Variants in ABL1 observed in about 807,000 individuals in gnomAD.
The protein encoded by ABL1 is tyrosine-protein kinase ABL1.
ABL1 carries 11 observed loss-of-function variants against 94.7 expected under a neutral mutation model. That is an observed-to-expected ratio of 0.12 (90% CI 0.07 to 0.19). The LOEUF is 0.19. Among genes scored for constraint, ABL1 ranks in the 10% least tolerant of loss-of-function variants. The pLI is 1.00. For missense variants in ABL1, 1,082 were observed against 1,489.4 expected (o/e 0.73, Z 4.50); for synonymous variants, 656 against 622.4 (o/e 1.05, Z -0.80).
At chr9:130,846,134 A>G (rs572778482) in intron 1 of ABL1, among the ~76,000 whole-genome samples, 1 of 151,264 alleles carries the variant, frequency 6.6e-6, no homozygotes, top group South Asian at 2.1e-4. Context: ...TGTTTTAATA[A>G]TTTTAACTTC....
intron 1 of ABL1, among the ~76,000 whole-genome samples, chr9:130,726,847 G>C (rs991719363): frequency 5.3e-5 from 8 of 152,136 alleles, no homozygotes; most frequent in African/African-American, 1.9e-4. Context: ...AACCCTTCTT[G>C]TCCAACATAG....
chr9:130,713,873 A>G (rs538666682), exon 1 of ABL1: 5 of 230,266 alleles, frequency 2.2e-5, no homozygotes, highest in Admixed American at 5.7e-5. Flanking sequence ...GAAGAAGCTA[A>G]GATAGGGGGT....
intron 4 of ABL1, among the ~76,000 whole-genome samples, chr9:130,869,795 A>G (rs1831222680): frequency 6.6e-6 from 1 of 152,164 alleles, no homozygotes; most frequent in Non-Finnish European, 1.5e-5. Flanking sequence ...GTTTAACACA[A>G]CTACAAACGT....
intron 4 of ABL1, among the ~76,000 whole-genome samples, chr9:130,866,836 G>A (rs1250775623): frequency 6.6e-6 from 1 of 152,186 alleles, no homozygotes; most frequent in Non-Finnish European, 1.5e-5. Flanking sequence ...TCAAGTACAA[G>A]AAGCTCTAAT....
intron 3 of ABL1, among the ~76,000 whole-genome samples, chr9:130,858,651 C>A (rs1382399905): frequency 6.6e-6 from 1 of 152,180 alleles, no homozygotes; most frequent in Non-Finnish European, 1.5e-5. Context: ...GACCGTGTGG[C>A]TCGCCGCTGA....
In ABL1 at chr9:130,884,740, C is replaced by T. The variant is rs1156969180; in HGVS notation, c.2450C>T (p.Pro817Leu). 6.2e-7 allele frequency: 1 copy of T among 1,612,530 alleles called. No homozygotes were observed. The highest frequency in any genetic ancestry group is 8.5e-7 in the Non-Finnish European group (1 of 1,179,848). The change falls in exon 11 of 11, where the codon CCC (proline) becomes CTC (leucine). Residue 817 changes from proline (P) to leucine (L), a missense_variant. By Grantham distance (98) the Pro-to-Leu change is moderately conservative (BLOSUM62 -3). Coordinates refer to ENST00000318560, the MANE Select transcript of ABL1 (RefSeq NM_005157.6). This position sits in a 1 kb window ranked among gnomAD's most constrained non-coding sequence, Gnocchi z 5.6. Reference sequence around the variant, plus strand: ...AGCCCGCCCAACCTGACTCCAAAACCCCTCCGGCGGCAGGTCACCGTGGCC... The same window carrying T: ...AGCCCGCCCAACCTGACTCCAAAACTCCTCCGGCGGCAGGTCACCGTGGCC... Reference protein sequence around the residue: ...GSSPPNLTPKPLRRQVTVAPA... With the variant: ...GSSPPNLTPKLLRRQVTVAPA...
At chr9:130,881,726 G>A (rs1831457142) in intron 10 of ABL1, among the ~76,000 whole-genome samples, 1 of 152,122 alleles carries the variant, frequency 6.6e-6, no homozygotes. Context: ...AGAGGATCCT[G>A]GGGATGGCAA....
intron 1 of ABL1, among the ~76,000 whole-genome samples, chr9:130,816,790 G>A (rs1230227577): frequency 3.3e-5 from 5 of 151,868 alleles, no homozygotes; most frequent in African/African-American, 1.2e-4. Flanking sequence ...TACAACCTCC[G>A]CCTCCCGGGT....
intron 1 of ABL1, among the ~76,000 whole-genome samples, chr9:130,843,698 G>A (rs1830713375): frequency 6.6e-6 from 1 of 152,128 alleles, no homozygotes; most frequent in Admixed American, 6.6e-5. Context: ...GTTTATGGGA[G>A]ATGGGGAGGC....
chr9:130,826,892 T>C (rs577310304), intron 1 of ABL1, among the ~76,000 whole-genome samples: 44 of 152,150 alleles, frequency 2.9e-4, no homozygotes, highest in Non-Finnish European at 5.6e-4. Context: ...TCCTGGCTAA[T>C]GTGGTGAAAC....
At chr9:130,765,303 C>T (rs1186375267) in intron 1 of ABL1, among the ~76,000 whole-genome samples, 5 of 152,100 alleles carry the variant, frequency 3.3e-5, no homozygotes, top group Non-Finnish European at 7.4e-5. Flanking sequence ...AGTGCTACAG[C>T]CAGCAACCCG....
Position 130,782,152 on chromosome 9 carries a change from A to G in ABL1, c.136+67697A>G, listed in dbSNP as rs186028209. ...CGGCTTACTGCAACCTCCACCTTCC[A>G]GGTTCAAGCAGTTCTCCTGTCTCAG... On this transcript the variant is annotated intron_variant, in intron 1 of 10. Transcript: ENST00000372348. Among the ~76,000 whole-genome samples the G allele has an allele frequency of 1.6e-3, 247 of 151,882 alleles. 1 individual carries two copies. Among genetic ancestry groups the G allele is most frequent in the African/African-American group, 5.7e-3 (235 of 41,428 alleles).
intron 1 of ABL1, among the ~76,000 whole-genome samples, chr9:130,717,719 A>G (rs1057289819): frequency 7.9e-5 from 12 of 151,676 alleles, no homozygotes. Flanking sequence ...AGCCTTTAAG[A>G]AATTCCTGGC....
Position 130,884,202 on chromosome 9 carries a change from G to T in ABL1, c.1912G>T (p.Gly638Cys), listed in dbSNP as rs151335502. The T allele has an allele frequency of 5.6e-6, 9 of 1,610,466 alleles. No individual in the cohort carries two copies. The highest frequency in any genetic ancestry group is 7.6e-6 in the Non-Finnish European group (9 of 1,178,992). Residue 638 changes from glycine to cysteine, a missense_variant, in exon 11 of 11, where the codon GGC (glycine) becomes TGC (cysteine). Transcript: ENST00000318560. The surrounding 1 kb of genome is among the most constrained non-coding windows in gnomAD (Gnocchi z 5.6). ...GCGCAGAGGGGCCGGCGAGGAAGAG[G>T]GCCGAGACATCAGCAACGGGGCACT... is the stretch of plus-strand genomic sequence containing the variant. ...PERRGAGEEE[G>C]RDISNGALAF...
intron 1 of ABL1, among the ~76,000 whole-genome samples, chr9:130,822,109 A>G (rs1157135332): frequency 6.6e-6 from 1 of 152,112 alleles, no homozygotes; most frequent in East Asian, 1.9e-4. Context: ...AAGTGCTGGC[A>G]TTACAGGCGT....
At chr9:130,864,332 G>T (rs561901165) in intron 4 of ABL1, among the ~76,000 whole-genome samples, 43 of 152,142 alleles carry the variant, frequency 2.8e-4, no homozygotes, top group African/African-American at 7.7e-4. Flanking sequence ...TGCAACCTCC[G>T]CCTCCCCAAA....
At chr9:130,722,466 G>A (rs1416485030) in intron 1 of ABL1, among the ~76,000 whole-genome samples, 2 of 152,094 alleles carry the variant, frequency 1.3e-5, no homozygotes, top group Non-Finnish European at 2.9e-5. Context: ...TGTGGCACGT[G>A]GACTGTGAAA....
chr9:130,728,405 A>C (rs1588212741), intron 1 of ABL1, among the ~76,000 whole-genome samples: 1 of 131,248 alleles, frequency 7.6e-6, no homozygotes, highest in Admixed American at 8.2e-5. Flanking sequence ...TTTTTTTTTG[A>C]GACAGTGTTT....
chr9:130,856,725 G>A (rs974747109), intron 3 of ABL1, among the ~76,000 whole-genome samples: 6 of 152,132 alleles, frequency 3.9e-5, no homozygotes, highest in Non-Finnish European at 7.4e-5. Flanking sequence ...AAAAAGGCAC[G>A]CAAATGATAC....
Sources: allele counts gnomAD v4.1 joint callset (sites outside exome capture counted in the v4.1 genomes callset), GRCh38; gene constraint gnomAD v4.1.1; non-coding constraint Gnocchi (gnomAD v3.1); transcripts MANE v1.5; gene names NCBI Gene and HGNC (gene_info 2026-07-23, HGNC 2026-07-21).